SEC22A: variants seen among roughly 807,000 people sequenced by gnomAD.
SEC22A encodes the protein vesicle-trafficking protein SEC22a.
A neutral mutation model predicts 35.3 loss-of-function variants in SEC22A; 22 were observed. The observed-to-expected ratio is 0.62, with a 90% CI of 0.45 to 0.89. SEC22A has a LOEUF of 0.89. Among genes scored for constraint, SEC22A ranks in the 40% least tolerant of loss-of-function variants. SEC22A has a pLI of 0.00. For synonymous variants in SEC22A, 119 were observed against 129.5 expected (o/e 0.92, Z 0.55); for missense variants, 354 against 362.5 (o/e 0.98, Z 0.19).
chr3:123,245,242 A>G (rs748300499), intron 4 of SEC22A, among the ~76,000 whole-genome samples: 4 of 152,246 alleles, frequency 2.6e-5, no homozygotes, highest in Admixed American at 6.5e-5. Flanking sequence ...AGGATTATGC[A>G]ATGAATTTCC....
rs190644797 is a variant in SEC22A, at chr3:123,271,572, G to A, written c.774G>A (p.Leu258=). 2 of 1,613,652 alleles carry A rather than the reference G, an allele frequency of 1.2e-6. No individual in the cohort carries two copies. Among genetic ancestry groups the A allele is most frequent in the Admixed American group, 1.7e-5 (1 of 59,992 alleles). The part of the protein sequence containing the change: ...YTGWRNVKSF[L]TFGLICLCNM... ...GCTGGCGGAATGTCAAATCTTTTTTGACTTTTGGCTTAATCTGTCTATGCA... is the reference window on the plus strand; with the variant it reads ...GCTGGCGGAATGTCAAATCTTTTTTAACTTTTGGCTTAATCTGTCTATGCA... Residue 258 remains leucine, a synonymous_variant, in exon 7 of 7, where the codon TTG becomes TTA. Transcript: ENST00000492595.
At chr3:123,220,848 TG>T (rs1340145605) in intron 2 of SEC22A, among the ~76,000 whole-genome samples, 1 of 119,508 alleles carries the variant, frequency 8.4e-6, no homozygotes, top group East Asian at 2.2e-4. Context: ...CTGCCTAGGA[TG>T]GTCTTTAAAA....
chr3:123,209,386 C>T lies in SEC22A; in HGVS notation c.169C>T (p.His57Tyr). ...TGATAGATGTACACTGAAAACTGGA[C>T]ATTATAACATTAAGTAAGACTTCAG... ...LPDRCTLKTG[H>Y]YNINFISSLG... The change falls in exon 2 of 7, where the codon CAT becomes TAT. Residue 57 changes from histidine (H) to tyrosine (Y), a missense_variant. Coordinates refer to ENST00000492595, the MANE Select transcript of SEC22A (RefSeq NM_012430.5). 6.2e-7 allele frequency: 1 copy of T among 1,609,816 alleles called. No homozygotes were observed.
At chr3:123,262,432 T>C (rs981632812) in intron 6 of SEC22A, among the ~76,000 whole-genome samples, 1 of 152,228 alleles carries the variant, frequency 6.6e-6, no homozygotes, top group Admixed American at 6.5e-5. Context: ...TCACTCTCTA[T>C]GTATGTGCAT....
intron 2 of SEC22A, among the ~76,000 whole-genome samples, chr3:123,210,999 T>C (rs1936933085): frequency 6.6e-6 from 1 of 152,122 alleles, no homozygotes; most frequent in South Asian, 2.1e-4. Flanking sequence ...TGGGGCCAGA[T>C]CCTGGATCGC....
At chr3:123,259,100 A>G (rs1023355737) in intron 5 of SEC22A, among the ~76,000 whole-genome samples, 5 of 152,210 alleles carry the variant, frequency 3.3e-5, no homozygotes, top group Admixed American at 2.6e-4. Flanking sequence ...TTATTGGACA[A>G]TTCAGTGATA....
chr3:123,269,215 G>GTGTGTGTGTGTGTGTATA lies in SEC22A; in HGVS notation c.724-2306_724-2305insGTGTGTGTGTGTGTATAT, dbSNP rs10642998. On this transcript the variant is annotated intron_variant, in intron 6 of 6. Coordinates refer to ENST00000492595, the MANE Select transcript of SEC22A (RefSeq NM_012430.5). ...TGTGTGTGTGTGTGTGTGTGTGTGT[G>GTGTGTGTGTGTGTGTATA]TATATATTACTGGAAATGCTAGCTC... is the stretch of plus-strand genomic sequence containing the variant. Among the ~76,000 whole-genome samples, 567 of 136,846 alleles carry GTGTGTGTGTGTGTGTATA rather than the reference G, an allele frequency of 4.1e-3. 3 individuals carry two copies. Among genetic ancestry groups the GTGTGTGTGTGTGTGTATA allele is most frequent in the Middle Eastern group, 7.8e-3 (2 of 258 alleles). The allele number at this position is 136,846 out of a possible 152,430, so 89.8% of individuals were successfully genotyped here.
chr3:123,204,068 T>C (rs56046159), intron 1 of SEC22A, among the ~76,000 whole-genome samples: 2,240 of 152,296 alleles, frequency 0.015, 49 homozygotes, highest in African/African-American at 0.051. Flanking sequence ...TAAAATAATA[T>C]GTACCATATT....
chr3:123,255,019 C>T (rs904441602), intron 5 of SEC22A, among the ~76,000 whole-genome samples: 12 of 152,126 alleles, frequency 7.9e-5, no homozygotes, highest in African/African-American at 2.9e-4. Context: ...CTCAGATATC[C>T]ACCATTAAGC....
intron 1 of SEC22A, among the ~76,000 whole-genome samples, chr3:123,207,332 T>A (rs757110503): frequency 1.3e-5 from 2 of 152,066 alleles, no homozygotes; most frequent in African/African-American, 4.8e-5. Flanking sequence ...TATTTTTTTT[T>A]ATATATATTA....
chr3:123,222,764 C>T (rs949281610), intron 2 of SEC22A, among the ~76,000 whole-genome samples: 3 of 152,140 alleles, frequency 2.0e-5, no homozygotes, highest in Non-Finnish European at 4.4e-5. Context: ...CTAGTTTCTA[C>T]TGTATAATAT....
intron 2 of SEC22A, among the ~76,000 whole-genome samples, chr3:123,222,114 T>C (rs910811934): frequency 4.2e-5 from 5 of 117,888 alleles, no homozygotes; most frequent in Non-Finnish European, 8.5e-5. Flanking sequence ...CCCAGGAATA[T>C]GCTTTATAGC....
At chr3:123,227,210 C>T (rs1162091294) in intron 4 of SEC22A, among the ~76,000 whole-genome samples, 1 of 148,824 alleles carries the variant, frequency 6.7e-6, no homozygotes, top group Non-Finnish European at 1.5e-5. Context: ...ATTATTCCAA[C>T]CTAAGGCTTT....
At chr3:123,230,699 C>CAAAAAAAAAAAAAAAAAAAAAAAAAAAAA (rs376679473) in intron 4 of SEC22A, among the ~76,000 whole-genome samples, 1 of 47,426 alleles carries the variant, frequency 2.1e-5, no homozygotes, top group African/African-American at 8.1e-5. Flanking sequence ...TCACTTCATG[C>CAAAAAAAAAAAAAAAAAAAAAAAAAAAAA]AAAAAAAAAA....
At chr3:123,250,451 A>G (rs1479235687) in intron 5 of SEC22A, among the ~76,000 whole-genome samples, 1 of 152,172 alleles carries the variant, frequency 6.6e-6, no homozygotes, top group Non-Finnish European at 1.5e-5. Context: ...GAAAACTGGA[A>G]AGGGAGGAAT....
intron 4 of SEC22A, among the ~76,000 whole-genome samples, chr3:123,238,202 ATTTTTATTTTT>A: frequency 6.6e-6 from 1 of 152,092 alleles, no homozygotes; most frequent in South Asian, 2.1e-4. Flanking sequence ...ATTTTATTTT[ATTTTTATTTTT>A]GAGATGGAGT....
At position 123,207,772 on chromosome 3, in the gene SEC22A, T is replaced by G. The variant is rs551330030; in HGVS notation, c.-19-1427T>G. 3.3e-5 allele frequency among the ~76,000 whole-genome samples: 5 copies of G among 152,296 alleles called. No individual in the cohort carries two copies. The East Asian group carries it at 7.7e-4, about 24-fold the overall frequency. ...AAGGTTGAGTGACTGTTGACCTGAG[T>G]TCCTTCAGACTCAGGCCTGTGAAGT... On this transcript the variant is annotated intron_variant, in intron 1 of 6. Transcript: ENST00000492595.
intron 2 of SEC22A, among the ~76,000 whole-genome samples, chr3:123,220,938 C>G (rs1937112783): frequency 6.8e-6 from 1 of 146,804 alleles, no homozygotes; most frequent in Admixed American, 6.8e-5. Flanking sequence ...CTTACAAGCT[C>G]TCACAGGAAG....
intron 6 of SEC22A, among the ~76,000 whole-genome samples, chr3:123,265,110 CTT>C (rs1937997662): frequency 1.3e-5 from 2 of 152,184 alleles, no homozygotes; most frequent in East Asian, 1.9e-4. Flanking sequence ...CATGTACAGA[CTT>C]TTATTTCTTT....
Sources: allele counts gnomAD v4.1 joint callset (sites outside exome capture counted in the v4.1 genomes callset), GRCh38; gene constraint gnomAD v4.1.1; transcripts MANE v1.5; gene names NCBI Gene and HGNC (gene_info 2026-07-23, HGNC 2026-07-21).